Variants in RBMS3 observed in about 807,000 individuals in gnomAD.
RBMS3 encodes the protein RNA-binding motif, single-stranded-interacting protein 3.
A neutral mutation model predicts 66.8 loss-of-function variants in RBMS3; 27 were observed. That is an observed-to-expected ratio of 0.40 (90% CI 0.30 to 0.56). RBMS3 has a LOEUF of 0.56. Ranked by LOEUF, RBMS3 falls within the 20% of genes least tolerant of loss-of-function variation. RBMS3 has a pLI of 0.40. For synonymous variants in RBMS3, 188 were observed against 183.0 expected, an observed-to-expected ratio of 1.03 and a Z score of -0.22; for missense variants, 513 against 549.5, an observed-to-expected ratio of 0.93 and a Z score of 0.66.
intron 4 of RBMS3, among the ~76,000 whole-genome samples, chr3:29,728,652 C>G (rs1559611941): frequency 6.6e-6 from 1 of 152,112 alleles, no homozygotes; most frequent in Non-Finnish European, 1.5e-5. Flanking sequence ...TTTCTCCAAG[C>G]TAATATTAAG....
chr3:29,754,581 A>G (rs2055325076), intron 5 of RBMS3, among the ~76,000 whole-genome samples: 1 of 152,192 alleles, frequency 6.6e-6, no homozygotes, highest in Non-Finnish European at 1.5e-5. Flanking sequence ...AAGGGAGATC[A>G]CTGAAAGTCT....
At position 29,921,325 on chromosome 3, in the gene RBMS3, A is replaced by G. The variant is rs181763358; in HGVS notation, c.940-14761A>G. Among the ~76,000 whole-genome samples the G allele has an allele frequency of 2.2e-3, 339 of 151,994 alleles. 1 individual carries two copies. The highest frequency in any genetic ancestry group is 8.0e-3 in the African/African-American group (332 of 41,444). On this transcript the variant is annotated intron_variant, in intron 10 of 14. Transcript: ENST00000383767. ...GTGATCTGCCTGCCTCAGCCTCCCA[A>G]ACTGCTGGGATTACAGACATCGAGC...
At chr3:29,471,716 TA>T (rs1285290055) in intron 2 of RBMS3, among the ~76,000 whole-genome samples, 888 of 72,866 alleles carry the variant, frequency 0.012, 27 homozygotes, top group African/African-American at 0.05. Context: ...CATGAGGACT[TA>T]GTTTTTTTTT....
intron 11 of RBMS3, among the ~76,000 whole-genome samples, chr3:29,941,070 G>T (rs1010484537): frequency 5.3e-5 from 8 of 151,824 alleles, no homozygotes; most frequent in African/African-American, 1.9e-4. Context: ...ACCAGAATCT[G>T]TTGGAAGAAA....
chr3:29,762,795 A>G, intron 5 of RBMS3, 115 bp from the exon 6 acceptor site: 2 of 721,244 alleles, frequency 2.8e-6, no homozygotes, highest in Admixed American at 2.9e-5. Context: ...AAAGTTGGCA[A>G]TTAGGGTACA....
intron 3 of RBMS3, among the ~76,000 whole-genome samples, chr3:29,558,209 T>C (rs2046425059): frequency 1.3e-5 from 2 of 151,954 alleles, no homozygotes; most frequent in African/African-American, 4.8e-5. Flanking sequence ...ATAAAAGATA[T>C]ACAGGACAAG....
chr3:29,581,829 G>A (rs1273427276), intron 3 of RBMS3, among the ~76,000 whole-genome samples: 1 of 152,038 alleles, frequency 6.6e-6, no homozygotes, highest in African/African-American at 2.4e-5. Context: ...ACTGTTGATG[G>A]CCCTGCAAAT....
chr3:29,873,749 G>C (rs1559758140), intron 7 of RBMS3, among the ~76,000 whole-genome samples: 2 of 152,048 alleles, frequency 1.3e-5, no homozygotes, highest in African/African-American at 4.8e-5. Context: ...TTATTATTTT[G>C]AGCTATGTTC....
intron 11 of RBMS3, among the ~76,000 whole-genome samples, chr3:29,936,651 C>T (rs1032313567): frequency 3.9e-5 from 6 of 152,004 alleles, no homozygotes; most frequent in Non-Finnish European, 7.4e-5. Context: ...GAGGTATAAT[C>T]GAGTTCTTTT....
chr3:29,992,209 AT>A (rs961754043), intron 14 of RBMS3, among the ~76,000 whole-genome samples: 24 of 152,234 alleles, frequency 1.6e-4, no homozygotes, highest in African/African-American at 4.8e-4. Context: ...AAGAAAAAAA[AT>A]ATTCTGATAT....
chr3:29,948,843 G>A (rs954724269), intron 12 of RBMS3, among the ~76,000 whole-genome samples: 2 of 151,638 alleles, frequency 1.3e-5, no homozygotes, highest in African/African-American at 4.8e-5. Flanking sequence ...AGTACCTACA[G>A]TGCTACAAAA....
chr3:29,340,637 G>T (rs1001766954), intron 1 of RBMS3, among the ~76,000 whole-genome samples: 1 of 152,076 alleles, frequency 6.6e-6, no homozygotes, highest in African/African-American at 2.4e-5. Context: ...TAGAAGAGAG[G>T]AATACCTTTT....
intron 6 of RBMS3, among the ~76,000 whole-genome samples, chr3:29,858,973 G>T (rs1248150077): frequency 4.6e-5 from 7 of 152,062 alleles, no homozygotes; most frequent in East Asian, 3.9e-4. Flanking sequence ...TTCTTGTAAG[G>T]CTATTTCACA....
intron 4 of RBMS3, among the ~76,000 whole-genome samples, chr3:29,687,904 AT>A (rs893872005): frequency 2.0e-5 from 3 of 152,216 alleles, no homozygotes; most frequent in Non-Finnish European, 2.9e-5. Flanking sequence ...GTATAGAATG[AT>A]AATTACATTT....
intron 6 of RBMS3, among the ~76,000 whole-genome samples, chr3:29,834,587 A>G (rs561187637): frequency 6.6e-6 from 1 of 152,158 alleles, no homozygotes; most frequent in Admixed American, 6.5e-5. Flanking sequence ...TAAAGGATGT[A>G]CTATGTAAGC....
intron 1 of RBMS3, among the ~76,000 whole-genome samples, chr3:29,375,081 A>G (rs2038399223): frequency 1.3e-5 from 2 of 152,242 alleles, no homozygotes; most frequent in Admixed American, 6.5e-5. Context: ...CTGATCTTTG[A>G]CAAACCTGAC....
chr3:29,805,046 A>T (rs909590712), intron 6 of RBMS3, among the ~76,000 whole-genome samples: 2 of 151,878 alleles, frequency 1.3e-5, no homozygotes, highest in African/African-American at 4.8e-5. Flanking sequence ...TTTTTAAATT[A>T]TCTGTTCTGT....
chr3:29,804,368 G>A (rs189820995), intron 6 of RBMS3, among the ~76,000 whole-genome samples: 1 of 152,064 alleles, frequency 6.6e-6, no homozygotes, highest in African/African-American at 2.4e-5. Context: ...TTTATAATTA[G>A]CTCTATAATA....
At chr3:29,460,567 C>T (rs903176385) in intron 2 of RBMS3, among the ~76,000 whole-genome samples, 8 of 152,184 alleles carry the variant, frequency 5.3e-5, no homozygotes, top group African/African-American at 1.9e-4. Context: ...AGAGTCCACT[C>T]TGAGCACTGT....
Sources: gnomAD v4.1 joint callset for allele counts (sites outside exome capture counted in the v4.1 genomes callset) on GRCh38, gnomAD v4.1.1 for gene constraint, MANE v1.5 for transcripts, NCBI Gene and HGNC (gene_info 2026-07-23, HGNC 2026-07-21) for gene names.